Variants in WDR37 observed in about 807,000 individuals in gnomAD.
WDR37 encodes the protein WD repeat domain 37, also known as WD repeat-containing protein 37.
Under a neutral mutation model 62.9 loss-of-function variants are expected in WDR37, and 19 were observed. The observed-to-expected ratio is 0.30, with a 90% CI of 0.21 to 0.44. The LOEUF (loss-of-function observed/expected upper bound fraction) is 0.44. Ranked by LOEUF, WDR37 falls within the 20% of genes least tolerant of loss-of-function variation. The pLI is 1.00. For synonymous variants in WDR37, 250 were observed against 260.9 expected (o/e 0.96, Z 0.40); for missense variants, 474 against 657.6 (o/e 0.72, Z 3.05).
At chr10:1,078,871 C>T (rs1405980303) in intron 3 of WDR37, among the ~76,000 whole-genome samples, 1 of 152,166 alleles carries the variant, frequency 6.6e-6, no homozygotes, top group Non-Finnish European at 1.5e-5. Flanking sequence ...GCTTTATCTA[C>T]AGGTTGATTC....
intron 9 of WDR37, among the ~76,000 whole-genome samples, chr10:1,098,388 C>T (rs200811051): frequency 2.1e-5 from 3 of 140,642 alleles, no homozygotes; most frequent in Non-Finnish European, 4.5e-5. Context: ...AGTGCAGTGG[C>T]GTGATCTTGG....
intron 1 of WDR37, among the ~76,000 whole-genome samples, chr10:1,061,223 G>C (rs924615870): frequency 6.6e-6 from 1 of 152,024 alleles, no homozygotes; most frequent in Non-Finnish European, 1.5e-5. Flanking sequence ...CTTTCTTCCA[G>C]TATCTCTCCA....
rs1248354623 is a variant in WDR37, at chr10:1,121,715, C to T, written c.1104-2503C>T. On this transcript the variant is annotated intron_variant, in intron 11 of 13. Coordinates refer to ENST00000263150, the MANE Select transcript of WDR37 (RefSeq NM_014023.4). The surrounding 1 kb of genome is among the most constrained non-coding windows in gnomAD (Gnocchi z 4.5). ...CTGGGCAGGGCGGCTGCTACATCCA[C>T]AGGCCAGGATGCTGCACCACAGGGA... 6.6e-6 allele frequency among the ~76,000 whole-genome samples: 1 copy of T among 152,228 alleles called. No individual in the cohort carries two copies. The highest frequency in any genetic ancestry group is 1.5e-5 in the Non-Finnish European group (1 of 68,048).
chr10:1,071,034 G>A (rs889668927), intron 1 of WDR37, among the ~76,000 whole-genome samples: 6 of 152,224 alleles, frequency 3.9e-5, no homozygotes, highest in African/African-American at 9.6e-5. Flanking sequence ...TTGCTGTTGC[G>A]TAAGTCACCA....
intron 1 of WDR37, among the ~76,000 whole-genome samples, chr10:1,064,808 T>C (rs1833490044): frequency 6.6e-6 from 1 of 151,924 alleles, no homozygotes; most frequent in African/African-American, 2.4e-5. Flanking sequence ...GCCAGGCTGG[T>C]CTTGAACTCC....
At chr10:1,102,235 C>T (rs894724109) in intron 9 of WDR37, among the ~76,000 whole-genome samples, 12 of 115,578 alleles carry the variant, frequency 1.0e-4, no homozygotes, top group African/African-American at 3.7e-4. Context: ...CTGCGACGTG[C>T]GATCCCGTGC....
At chr10:1,057,653 A>G (rs1833234922) in intron 1 of WDR37, among the ~76,000 whole-genome samples, 1 of 152,230 alleles carries the variant, frequency 6.6e-6, no homozygotes, top group Non-Finnish European at 1.5e-5. Flanking sequence ...AGCAACAATA[A>G]TAATGTACTC....
At chr10:1,089,754 C>G (rs1662936511) in intron 7 of WDR37, among the ~76,000 whole-genome samples, 1 of 152,230 alleles carries the variant, frequency 6.6e-6, no homozygotes, top group Non-Finnish European at 1.5e-5. Flanking sequence ...CCGTCACCAT[C>G]TGCTCTTCTG....
chr10:1,129,123 TTGAG>T (rs1192845907), intron 13 of WDR37, 86 bp from the exon 14 acceptor site: 18 of 1,550,728 alleles, frequency 1.2e-5, no homozygotes, highest in Non-Finnish European at 1.5e-5. Context: ...CTTACGTACT[TTGAG>T]TGATGTGGTT....
At chr10:1,079,602 T>C (rs1425989775) in intron 3 of WDR37, among the ~76,000 whole-genome samples, 1 of 151,884 alleles carries the variant, frequency 6.6e-6, no homozygotes, top group Non-Finnish European at 1.5e-5. Flanking sequence ...TGGCGTGATC[T>C]CGGCTCACTG....
At position 1,129,549 on chromosome 10, in the gene WDR37, A is replaced by T. The variant is rs557320081; in HGVS notation, c.*205A>T. 4.3e-6 allele frequency: 3 copies of T among 704,054 alleles called. No individual in the cohort carries two copies. Among genetic ancestry groups the T allele is most frequent in the Non-Finnish European group, 6.6e-6 (3 of 455,100 alleles). The allele number at this position is 704,054 out of a possible 1,614,324, so 43.6% of individuals were successfully genotyped here. A position where few individuals can be genotyped will look rare whatever the true frequency, so the allele number is the denominator to read the frequency against. On this transcript the variant is annotated 3_prime_UTR_variant, in exon 14 of 14. Coordinates refer to ENST00000263150, the MANE Select transcript of WDR37 (RefSeq NM_014023.4). ...TTTTTTACTTTTGTCTTGTATATGT[A>T]TGTATATTGGGTCCTCTGGGCAGTA... is the stretch of plus-strand genomic sequence containing the variant.
At chr10:1,079,651 C>T (rs1833970132) in intron 3 of WDR37, among the ~76,000 whole-genome samples, 1 of 151,972 alleles carries the variant, frequency 6.6e-6, no homozygotes, top group African/African-American at 2.4e-5. Context: ...TCTCCTGCCT[C>T]AGCCTCCTGA....
chr10:1,079,938 G>A (rs1325038189), intron 3 of WDR37, 73 bp from the exon 4 acceptor site: 11 of 1,277,116 alleles, frequency 8.6e-6, no homozygotes, highest in African/African-American at 6.0e-5. Flanking sequence ...TTCTGTGTGC[G>A]AGTTTTGGAA....
At chr10:1,118,712 A>G (rs1008083251) in intron 11 of WDR37, among the ~76,000 whole-genome samples, 1 of 152,164 alleles carries the variant, frequency 6.6e-6, no homozygotes, top group African/African-American at 2.4e-5. Flanking sequence ...ATCCCTCAAG[A>G]ACCAACACTT....
intron 13 of WDR37, among the ~76,000 whole-genome samples, chr10:1,126,859 T>C (rs1835804944): frequency 6.6e-6 from 1 of 152,198 alleles, no homozygotes; most frequent in African/African-American, 2.4e-5. Context: ...AGTGCACTGT[T>C]TGAAGTTAAT....
chr10:1,126,232 T>C (rs111964088), intron 13 of WDR37, among the ~76,000 whole-genome samples: 16,070 of 151,810 alleles, frequency 0.11, 941 homozygotes, highest in Middle Eastern at 0.16. Flanking sequence ...GGTGAAACCC[T>C]GTCTCTAATA....
At chr10:1,118,687 GC>G (rs1377305237) in intron 11 of WDR37, among the ~76,000 whole-genome samples, 49 of 152,322 alleles carry the variant, frequency 3.2e-4, no homozygotes, top group African/African-American at 8.7e-4. Context: ...TTCCACAGAA[GC>G]GATTTCTCCA....
intron 9 of WDR37, among the ~76,000 whole-genome samples, chr10:1,098,727 C>T (rs1353388031): frequency 5.9e-5 from 9 of 152,192 alleles, no homozygotes; most frequent in African/African-American, 7.2e-5. Context: ...CTGGTTGACA[C>T]GTTGGTCATG....
At chr10:1,074,541 C>T in intron 2 of WDR37, 1 of 1,303,608 alleles carries the variant, frequency 7.7e-7, no homozygotes, top group Non-Finnish European at 1.0e-6. Context: ...TCTGCCTTCC[C>T]CCTGCCCTGG....
Sources: allele counts gnomAD v4.1 joint callset (sites outside exome capture counted in the v4.1 genomes callset), GRCh38; gene constraint gnomAD v4.1.1; non-coding constraint Gnocchi (gnomAD v3.1); transcripts MANE v1.5; gene names NCBI Gene and HGNC (gene_info 2026-07-23, HGNC 2026-07-21).